PHKB: variants seen among roughly 807,000 people sequenced by gnomAD.
The protein encoded by PHKB is phosphorylase kinase regulatory subunit beta.
A neutral mutation model predicts 152.1 loss-of-function variants in PHKB; 122 were observed. The observed-to-expected ratio is 0.80, with a 90% CI of 0.69 to 0.93. The LOEUF is 0.93. Ranked by LOEUF, PHKB falls within the 40% of genes least tolerant of loss-of-function variation. PHKB has a pLI of 0.00. For missense variants in PHKB, 1,304 were observed against 1,328.4 expected, an observed-to-expected ratio of 0.98 and a Z score of 0.29; for synonymous variants, 436 against 464.9, an observed-to-expected ratio of 0.94 and a Z score of 0.80.
chr16:47,547,227 G>A (rs886937336), intron 6 of PHKB, among the ~76,000 whole-genome samples: 2 of 152,006 alleles, frequency 1.3e-5, no homozygotes, highest in African/African-American at 2.4e-5. Flanking sequence ...GTTCGTATTC[G>A]GCTGTCTTGG....
chr16:47,541,842 G>A (rs1971065344), intron 6 of PHKB, among the ~76,000 whole-genome samples: 1 of 151,974 alleles, frequency 6.6e-6, no homozygotes, highest in Admixed American at 6.6e-5. Context: ...TTTTTGATGG[G>A]GTTGTTTAAT....
intron 16 of PHKB, 107 bp downstream of exon 16, chr16:47,641,799 A>C: frequency 1.4e-6 from 1 of 720,114 alleles, no homozygotes; most frequent in Non-Finnish European, 2.6e-6. Context: ...ATTCTGATAT[A>C]GGACCAGTAA....
intron 16 of PHKB, among the ~76,000 whole-genome samples, chr16:47,648,107 A>C (rs1973166990): frequency 6.6e-6 from 1 of 152,186 alleles, no homozygotes; most frequent in South Asian, 2.1e-4. Context: ...ATATAATCAG[A>C]AAAAATCAAT....
chr16:47,628,832 T>C lies in PHKB; in HGVS notation c.1459-12203T>C, dbSNP rs1340470780. ...ACTGGTACCAAAACAGAGATATAGA[T>C]CAATGGAACAGAACAGAGCCCTCAG... On this transcript the variant is annotated intron_variant, in intron 14 of 30. Coordinates refer to ENST00000323584, the MANE Select transcript of PHKB (RefSeq NM_000293.3). 2.6e-5 allele frequency among the ~76,000 whole-genome samples: 4 copies of C among 151,840 alleles called. No homozygotes were observed. The South Asian group carries it at 8.3e-4, about 32-fold the overall frequency.
At position 47,552,513 on chromosome 16, in the gene PHKB, C is replaced by A. The variant is rs576932864; in HGVS notation, c.710+4965C>A. Among the ~76,000 whole-genome samples the A allele has an allele frequency of 8.4e-4, 128 of 152,188 alleles. 1 individual carries two copies. Among genetic ancestry groups the A allele is most frequent in the African/African-American group, 2.9e-3 (122 of 41,534 alleles). On this transcript the variant is annotated intron_variant, in intron 7 of 30. Coordinates refer to ENST00000323584, the MANE Select transcript of PHKB (RefSeq NM_000293.3). ...GATATGAAATTCTGGGTTTAAAATT[C>A]TTTTCTTTAAGAATGTTGAGGCCGT...
intron 6 of PHKB, among the ~76,000 whole-genome samples, chr16:47,533,902 G>A (rs950494603): frequency 2.6e-5 from 4 of 152,034 alleles, no homozygotes; most frequent in East Asian, 3.9e-4. Context: ...CAGGGAGGGC[G>A]GGGCTCCTGC....
chr16:47,477,532 A>G (rs912947753), intron 1 of PHKB, among the ~76,000 whole-genome samples: 1 of 152,180 alleles, frequency 6.6e-6, no homozygotes, highest in Non-Finnish European at 1.5e-5. Flanking sequence ...ACATATTTTC[A>G]TAGTAAAAAA....
rs767687757 is a variant in PHKB at position 47,585,895 on chromosome 16, TG to T, written c.775-1772del. Among the ~76,000 whole-genome samples, 135 of 152,334 alleles carry T rather than the reference TG, an allele frequency of 8.9e-4. 1 individual carries two copies. The highest frequency in any genetic ancestry group is 9.1e-4 in the Non-Finnish European group (62 of 68,026). ...ATTATCCTACTTAGATTGTATCTTT[TG>T]AAAATTTAATTCCAGGCAGATAGTT... On this transcript the variant is annotated intron_variant, in intron 8 of 30. Coordinates refer to ENST00000323584, the MANE Select transcript of PHKB (RefSeq NM_000293.3).
intron 14 of PHKB, among the ~76,000 whole-genome samples, chr16:47,635,143 C>T (rs1972895681): frequency 6.6e-6 from 1 of 152,064 alleles, no homozygotes; most frequent in South Asian, 2.1e-4. Context: ...AGAGCCAATA[C>T]GAGTTCTTCG....
intron 20 of PHKB, among the ~76,000 whole-genome samples, chr16:47,654,161 A>T (rs1320888224): frequency 6.6e-6 from 1 of 152,212 alleles, no homozygotes; most frequent in East Asian, 1.9e-4. Context: ...ATTGGTTCAG[A>T]TATTAGAGTT....
chr16:47,639,483 T>C (rs1270155463), intron 14 of PHKB, among the ~76,000 whole-genome samples: 3 of 152,198 alleles, frequency 2.0e-5, no homozygotes, highest in Admixed American at 2.0e-4. Flanking sequence ...TTGTGGTAGA[T>C]GGTTTGTGAA....
Position 47,499,818 on chromosome 16 carries a change from G to T in PHKB, c.229G>T (p.Gly77Cys), listed in dbSNP as rs749953598. ...CGGTCTCTTTCCCACTAAAACATGC[G>T]GTGGTGACCAGAAGGCCAAGATCCA... ...TTGLFPTKTC[G>C]GDQKAKIQDS... The change falls in exon 3 of 31, where the codon GGT becomes TGT. Residue 77 changes from glycine (G) to cysteine (C), a missense_variant. Transcript: ENST00000323584. 6.2e-7 allele frequency: 1 copy of T among 1,614,170 alleles called. No homozygotes were observed. The highest frequency in any genetic ancestry group is 8.5e-7 in the Non-Finnish European group (1 of 1,180,016).
At chr16:47,639,062 C>G (rs1972970875) in intron 14 of PHKB, among the ~76,000 whole-genome samples, 1 of 152,024 alleles carries the variant, frequency 6.6e-6, no homozygotes, top group African/African-American at 2.4e-5. Context: ...ATCGCTTGAG[C>G]CCAGGAGTTC....
chr16:47,618,600 A>G (rs1255631698), intron 14 of PHKB, among the ~76,000 whole-genome samples: 1 of 152,226 alleles, frequency 6.6e-6, no homozygotes, highest in Non-Finnish European at 1.5e-5. Flanking sequence ...GTTGTCTGAG[A>G]AAGTCATATT....
chr16:47,671,675 T>TC (rs1183505671), intron 26 of PHKB, among the ~76,000 whole-genome samples: 4 of 152,206 alleles, frequency 2.6e-5, no homozygotes, highest in African/African-American at 7.2e-5. Context: ...ACATCGTAAT[T>TC]CATCAGTTCT....
At chr16:47,536,154 CGATT>C (rs1970948607) in intron 6 of PHKB, among the ~76,000 whole-genome samples, 3 of 152,230 alleles carry the variant, frequency 2.0e-5, no homozygotes, top group Non-Finnish European at 2.9e-5. Flanking sequence ...CGTGTTCAAG[CGATT>C]CTCCTGTCTC....
intron 14 of PHKB, among the ~76,000 whole-genome samples, chr16:47,635,391 C>T (rs902540859): frequency 6.6e-6 from 1 of 152,110 alleles, no homozygotes; most frequent in Non-Finnish European, 1.5e-5. Context: ...CCACCTGATT[C>T]TCAATAAGTG....
intron 14 of PHKB, among the ~76,000 whole-genome samples, chr16:47,621,249 C>T (rs991073041): frequency 6.6e-6 from 1 of 152,092 alleles, no homozygotes; most frequent in Non-Finnish European, 1.5e-5. Context: ...TGTGCCCAGT[C>T]GCCAGACTGT....
intron 6 of PHKB, among the ~76,000 whole-genome samples, chr16:47,516,626 C>T (rs1055463425): frequency 3.3e-5 from 5 of 152,260 alleles, no homozygotes; most frequent in African/African-American, 1.2e-4. Context: ...ACACTCAACA[C>T]CAAAATTGTC....
Sources: allele counts gnomAD v4.1 joint callset (sites outside exome capture counted in the v4.1 genomes callset), GRCh38; gene constraint gnomAD v4.1.1; transcripts MANE v1.5; gene names NCBI Gene and HGNC (gene_info 2026-07-23, HGNC 2026-07-21).